Variants in CUX2 observed in about 807,000 individuals in gnomAD.
The protein encoded by CUX2 is homeobox protein cut-like 2.
In CUX2, 40 loss-of-function variants were observed where a neutral mutation model predicts 144.8. The observed-to-expected ratio is 0.28, with a 90% CI of 0.21 to 0.36. The LOEUF is 0.36. Ranked by LOEUF, CUX2 falls within the 10% of genes least tolerant of loss-of-function variation. CUX2 has a pLI of 1.00. For missense variants in CUX2, 1,615 were observed against 1,994.0 expected, an observed-to-expected ratio of 0.81 and a Z score of 3.62; for synonymous variants, 827 against 875.6, an observed-to-expected ratio of 0.94 and a Z score of 0.98.
intron 1 of CUX2, among the ~76,000 whole-genome samples, chr12:111,138,086 C>A (rs998250943): frequency 1.3e-5 from 2 of 152,206 alleles, no homozygotes; most frequent in African/African-American, 4.8e-5. Flanking sequence ...CCCCTACTCC[C>A]ATCCCCTTTA....
At chr12:111,063,596 G>A (rs1330840402) in intron 1 of CUX2, among the ~76,000 whole-genome samples, 1 of 152,222 alleles carries the variant, frequency 6.6e-6, no homozygotes, top group Non-Finnish European at 1.5e-5. Context: ...AGATCAGTCT[G>A]GTGCTCCAGT....
rs1043739945 is a variant in CUX2 at position 111,322,250 on chromosome 12, G to A, written c.2767-171G>A. On this transcript the variant is annotated intron_variant, in intron 17 of 21. Coordinates refer to ENST00000261726, the MANE Select transcript of CUX2 (RefSeq NM_015267.4). The surrounding 1 kb of genome is among the most constrained non-coding windows in gnomAD (Gnocchi z 4.2). ...GGAGAATCATTTGAACCTGGGAGGC[G>A]GAGTTTGCAGTGAGCTGAGATGGTG... 2.0e-5 allele frequency among the ~76,000 whole-genome samples: 3 copies of A among 150,928 alleles called. No homozygotes were observed. The highest frequency in any genetic ancestry group is 2.9e-5 in the Non-Finnish European group (2 of 67,836).
At chr12:111,267,101 G>A (rs1884423569) in intron 4 of CUX2, among the ~76,000 whole-genome samples, 1 of 151,662 alleles carries the variant, frequency 6.6e-6, no homozygotes, top group Admixed American at 6.6e-5. Context: ...GGGAAGCTGT[G>A]GTGGGAGAAT....
chr12:111,334,263 A>C (rs1888243010), intron 18 of CUX2, among the ~76,000 whole-genome samples, 178 bp from the exon 19 acceptor site: 1 of 152,036 alleles, frequency 6.6e-6, no homozygotes, highest in Admixed American at 6.6e-5. Flanking sequence ...TCCAGTCCTC[A>C]TCAAACTTTC....
At chr12:111,159,208 G>GCGAT (rs1566262170) in intron 1 of CUX2, among the ~76,000 whole-genome samples, 2 of 152,096 alleles carry the variant, frequency 1.3e-5, no homozygotes, top group Non-Finnish European at 1.5e-5. Flanking sequence ...ATGCGGTGGC[G>GCGAT]CGATCGTAGC....
Position 111,178,768 on chromosome 12 carries a change from T to C in CUX2, c.64-35432T>C, listed in dbSNP as rs1206203639. On this transcript the variant is annotated intron_variant, in intron 1 of 21. Transcript: ENST00000261726. This position sits in a 1 kb window ranked among gnomAD's most constrained non-coding sequence, Gnocchi z 5.7. ...GTTTGGAATGAAGTCCAATGATTTA[T>C]GCCTGTGATGAGGGCTCAGATGGAA... 6.6e-6 allele frequency among the ~76,000 whole-genome samples: 1 copy of C among 152,198 alleles called. No individual in the cohort carries two copies. Among genetic ancestry groups the C allele is most frequent in the Non-Finnish European group, 1.5e-5 (1 of 68,046 alleles).
At chr12:111,179,733 G>A (rs1488075138) in intron 1 of CUX2, among the ~76,000 whole-genome samples, 3 of 151,692 alleles carry the variant, frequency 2.0e-5, no homozygotes, top group African/African-American at 7.3e-5. Flanking sequence ...CTGGAGTGCA[G>A]TGGTGCGATC....
intron 1 of CUX2, among the ~76,000 whole-genome samples, chr12:111,149,704 T>C (rs1876916738): frequency 6.6e-6 from 1 of 151,988 alleles, no homozygotes; most frequent in South Asian, 2.1e-4. Flanking sequence ...GCAAAAGAGG[T>C]CATTTGGGGG....
chr12:111,101,248 T>C (rs1423733135), intron 1 of CUX2, among the ~76,000 whole-genome samples: 1 of 152,082 alleles, frequency 6.6e-6, no homozygotes, highest in Non-Finnish European at 1.5e-5. Flanking sequence ...GGATGCACCT[T>C]CCAGGAAGGC....
intron 18 of CUX2, among the ~76,000 whole-genome samples, chr12:111,324,057 A>G (rs1278826899): frequency 1.3e-5 from 2 of 151,994 alleles, no homozygotes; most frequent in Non-Finnish European, 2.9e-5. Context: ...AATTAATAAA[A>G]TGAAATGTAT....
chr12:111,174,542 G>A (rs905598690), intron 1 of CUX2, among the ~76,000 whole-genome samples: 1 of 152,210 alleles, frequency 6.6e-6, no homozygotes, highest in Admixed American at 6.5e-5. Context: ...CCAAAAGCAC[G>A]GGACAGTTTA....
intron 3 of CUX2, among the ~76,000 whole-genome samples, chr12:111,220,205 C>T (rs1176125832): frequency 6.6e-6 from 1 of 151,984 alleles, no homozygotes; most frequent in African/African-American, 2.4e-5. Flanking sequence ...AAAGTTAACA[C>T]TGATGAAGTG....
At chr12:111,275,430 G>A (rs1884823577) in intron 4 of CUX2, among the ~76,000 whole-genome samples, 1 of 152,202 alleles carries the variant, frequency 6.6e-6, no homozygotes, top group Admixed American at 6.5e-5. Context: ...GAGTGAGTAG[G>A]GAAATGAAGT....
At chr12:111,184,573 CAAAAAAAAAA>C (rs71445536) in intron 1 of CUX2, among the ~76,000 whole-genome samples, 22 of 46,920 alleles carry the variant, frequency 4.7e-4, no homozygotes, top group South Asian at 1.6e-3. Flanking sequence ...TTCTCTCTAC[CAAAAAAAAAA>C]AAAAAAAAAA....
intron 16 of CUX2, among the ~76,000 whole-genome samples, chr12:111,319,402 C>G (rs981874212): frequency 2.0e-5 from 3 of 152,040 alleles, no homozygotes; most frequent in Non-Finnish European, 2.9e-5. Flanking sequence ...TTCGTGTTTT[C>G]TTTGTCTTTG....
At chr12:111,067,509 C>T (rs1294007738) in intron 1 of CUX2, among the ~76,000 whole-genome samples, 1 of 152,196 alleles carries the variant, frequency 6.6e-6, no homozygotes, top group African/African-American at 2.4e-5. Context: ...CGTTTGATTA[C>T]AGGAGCCCAA....
intron 4 of CUX2, among the ~76,000 whole-genome samples, chr12:111,281,698 C>G (rs1885121579): frequency 6.6e-6 from 1 of 152,240 alleles, no homozygotes; most frequent in Non-Finnish European, 1.5e-5. Context: ...TTCATATCCA[C>G]AGACTCCTAG....
chr12:111,254,863 T>G (rs1016675548), intron 3 of CUX2, among the ~76,000 whole-genome samples: 1 of 151,944 alleles, frequency 6.6e-6, no homozygotes, highest in African/African-American at 2.4e-5. Context: ...TTTTTTTTCC[T>G]TTTTGAGACG....
chr12:111,190,466 A>T lies in CUX2; in HGVS notation c.64-23734A>T, dbSNP rs1879810394. ...GGGAGACATCTCCCCAAATTCATGA[A>T]CATTCCTCCACCTAGCCTGGCCCCA... On this transcript the variant is annotated intron_variant, in intron 1 of 21. Transcript: ENST00000261726. The surrounding 1 kb of genome is among the most constrained non-coding windows in gnomAD (Gnocchi z 4.0). Among the ~76,000 whole-genome samples the T allele has an allele frequency of 1.3e-5, 2 of 152,152 alleles. No individual in the cohort carries two copies. The highest frequency in any genetic ancestry group is 4.8e-5 in the African/African-American group (2 of 41,440).
Sources: allele counts gnomAD v4.1 joint callset (sites outside exome capture counted in the v4.1 genomes callset), GRCh38; gene constraint gnomAD v4.1.1; non-coding constraint Gnocchi (gnomAD v3.1); transcripts MANE v1.5; gene names NCBI Gene and HGNC (gene_info 2026-07-23, HGNC 2026-07-21).